The following ZDHHC19 variants were observed in gnomAD, a reference collection of about 807,000 sequenced individuals.
The protein encoded by ZDHHC19 is palmitoyltransferase ZDHHC19.
A neutral mutation model predicts 33.9 loss-of-function variants in ZDHHC19; 30 were observed. The observed-to-expected ratio is 0.88, with a 90% CI of 0.66 to 1.20. ZDHHC19 has a LOEUF of 1.20. Ranked by LOEUF, ZDHHC19 falls within the 50% of genes most tolerant of loss-of-function variation. The pLI, the probability that ZDHHC19 is intolerant of heterozygous loss-of-function variation, is 0.00. For missense variants in ZDHHC19, 364 were observed against 401.1 expected (o/e 0.91, Z 0.79); for synonymous variants, 178 against 167.6 (o/e 1.06, Z -0.48).
Position 196,203,298 on chromosome 3 carries a change from G to A in ZDHHC19, c.687+4100C>T, listed in dbSNP as rs561897752. Among the ~76,000 whole-genome samples, 1 of 152,006 alleles carries A rather than the reference G, an allele frequency of 6.6e-6. No individual in the cohort carries two copies. Among genetic ancestry groups the A allele is most frequent in the African/African-American group, 2.4e-5 (1 of 41,388 alleles). ...AAAGAAAGAGAGAGAGAAATTGAAC[G>A]GTATTAATAGTAGCGACATCTAGAG... On this transcript the variant is annotated intron_variant, in intron 5 of 7. Transcript: ENST00000296326. This position sits in a 1 kb window ranked among gnomAD's most constrained non-coding sequence, Gnocchi z 4.3.
In ZDHHC19 at chr3:196,207,507, C is replaced by A. The variant is rs372760698; in HGVS notation, c.582-4G>T. ...GGCGGACACGGCCACCACGATGCTG[C>A]GCGGGTTAAGGAACCGGGCTGCGGG... On this transcript the variant is annotated splice_region_variant and splice_polypyrimidine_tract_variant and intron_variant, in intron 4 of 7. Transcript: ENST00000296326. The A allele has an allele frequency of 4.8e-5, 74 of 1,552,598 alleles. No homozygotes were observed. In the African/African-American group the frequency reaches 9.2e-4, roughly 19 times the overall value.
intron 2 of ZDHHC19, 124 bp from the exon 3 acceptor site, chr3:196,209,639 C>T: frequency 7.7e-7 from 1 of 1,290,406 alleles, no homozygotes; most frequent in Non-Finnish European, 1.1e-6. Flanking sequence ...AACCCCTGTC[C>T]CCACTGAGCA....
rs1166112259 is a variant in ZDHHC19 at position 196,198,350 on chromosome 3, G to C, written c.875C>G (p.Pro292Arg). 2 of 1,520,094 alleles carry C rather than the reference G, an allele frequency of 1.3e-6. No individual in the cohort carries two copies. The highest frequency in any genetic ancestry group is 2.2e-5 in the Admixed American group (1 of 45,416). The allele number at this position is 1,520,094 out of a possible 1,614,324, so 94.2% of individuals were successfully genotyped here. The change falls in exon 7 of 8, where the codon CCA (proline) becomes CGA (arginine). Residue 292 changes from proline to arginine, a missense_variant. Transcript: ENST00000296326. ...TTGTAGGGACCCAGAGGTTGGGGCT[G>C]GGGGGTTGAGAGCAGAGGGGGACAT... Reference protein sequence around the residue: ...PPMSPSALNPPAPTSGSLQSR... With the variant: ...PPMSPSALNPRAPTSGSLQSR...
rs957402632 is a variant in ZDHHC19, at chr3:196,203,825, G to A, written c.687+3573C>T. The stretch of plus-strand genomic sequence containing the variant: ...AGGGCGGAGCTGGGGAGTCACAGGT[G>A]GGGGAGCCAAATATGGGTGTGGTGG... On this transcript the variant is annotated intron_variant, in intron 5 of 7. Coordinates refer to ENST00000296326, the MANE Select transcript of ZDHHC19 (RefSeq NM_001039617.2). The surrounding 1 kb of genome is among the most constrained non-coding windows in gnomAD (Gnocchi z 4.3). Among the ~76,000 whole-genome samples the A allele has an allele frequency of 3.3e-5, 5 of 152,174 alleles. No individual in the cohort carries two copies.
chr3:196,198,166 T>TATCATTAAAAAA, intron 7 of ZDHHC19, 110 bp downstream of exon 7: 2 of 1,123,278 alleles, frequency 1.8e-6, no homozygotes, highest in South Asian at 3.0e-5. Context: ...CTCGGAGCGC[T>TATCATTAAAAAA]CCAGCTTCAG....
chr3:196,205,742 G>A (rs6778521), intron 5 of ZDHHC19, among the ~76,000 whole-genome samples: 45,989 of 151,998 alleles, frequency 0.3, 7,936 homozygotes, highest in African/African-American at 0.47. Context: ...GCTCACTGCA[G>A]CTTCTGCCTC....
intron 7 of ZDHHC19, 49 bp downstream of exon 7, chr3:196,198,227 A>C (rs1466694267): frequency 2.1e-6 from 3 of 1,410,974 alleles, no homozygotes; most frequent in Non-Finnish European, 1.9e-6. Context: ...ACCTGCAGAC[A>C]CCCCCCTCCC....
At chr3:196,210,265 AAAG>A (rs770083827) in intron 2 of ZDHHC19, among the ~76,000 whole-genome samples, 1,058 of 76,656 alleles carry the variant, frequency 0.014, 31 homozygotes, top group African/African-American at 0.045. Flanking sequence ...GAAAGAAAGA[AAAG>A]AGAAAGAAAG....
chr3:196,207,399 T>C lies in ZDHHC19; in HGVS notation c.686A>G (p.Lys229Arg). ...CTGACCACCCGCGGCCCCGCGTACC[T>C]TGCCCTTGTAGGTGCGGTCGGCCGA... ...VSSADRTYKG[K>R]CRHLQGYNPF... The change falls in exon 5 of 8, where the codon AAG becomes AGG. Residue 229 changes from lysine to arginine, a missense_variant and splice_region_variant. By Grantham distance (26) the Lys-to-Arg change is conservative. Coordinates refer to ENST00000296326, the MANE Select transcript of ZDHHC19 (RefSeq NM_001039617.2). 2 of 1,557,732 alleles carry C rather than the reference T, an allele frequency of 1.3e-6. No homozygotes were observed. The highest frequency in any genetic ancestry group is 8.7e-7 in the Non-Finnish European group (1 of 1,151,696).
intron 5 of ZDHHC19, chr3:196,199,611 T>C (rs560143452): frequency 3.9e-5 from 6 of 154,814 alleles, no homozygotes; most frequent in African/African-American, 1.4e-4. Context: ...CTTGCACTAT[T>C]TGAGATTCTG....
chr3:196,210,265 AAAGAG>A (rs1723121304), intron 2 of ZDHHC19, among the ~76,000 whole-genome samples: 1 of 76,600 alleles, frequency 1.3e-5, no homozygotes. Context: ...GAAAGAAAGA[AAAGAG>A]AAAGAAAGAA....
intron 5 of ZDHHC19, among the ~76,000 whole-genome samples, chr3:196,200,653 CTTTTT>C (rs71621224): frequency 7.7e-6 from 1 of 129,808 alleles, no homozygotes; most frequent in Admixed American, 7.9e-5. Context: ...CACGCCTGGC[CTTTTT>C]TTTTTTTTTT....
Position 196,198,840 on chromosome 3 carries a change from T to C in ZDHHC19, c.722A>G (p.Gln241Arg), listed in dbSNP as rs1370830499. 7 of 1,613,978 alleles carry C rather than the reference T, an allele frequency of 4.3e-6. No homozygotes were observed. The highest frequency in any genetic ancestry group is 5.9e-6 in the Non-Finnish European group (7 of 1,179,990). Residue 241 changes from glutamine (Q) to arginine (R), a missense_variant, in exon 6 of 8, where the codon CAG becomes CGG. Gln to Arg is a conservative substitution (Grantham distance 43). Coordinates refer to ENST00000296326, the MANE Select transcript of ZDHHC19 (RefSeq NM_001039617.2). ...RHLQGYNPFD[Q>R]GCASNWYLTI... Reference sequence around the variant, plus strand: ...TAAATACCAGTTGCTGGCACAGCCCTGGTCGAAGGGGTTGTATCCCTGAAG... The same window carrying C: ...TAAATACCAGTTGCTGGCACAGCCCCGGTCGAAGGGGTTGTATCCCTGAAG...
At chr3:196,204,217 A>T (rs1003254198) in intron 5 of ZDHHC19, among the ~76,000 whole-genome samples, 1 of 152,250 alleles carries the variant, frequency 6.6e-6, no homozygotes, top group East Asian at 1.9e-4. Context: ...ACCAATTCAA[A>T]AAAATCCATT....
chr3:196,209,036 G>C, intron 3 of ZDHHC19: 1 of 320,804 alleles, frequency 3.1e-6, no homozygotes, highest in Non-Finnish European at 5.8e-6. Flanking sequence ...AGGCCTCCCA[G>C]ACCAGGCGGG....
At chr3:196,209,086 C>A in intron 3 of ZDHHC19, 1 of 392,156 alleles carries the variant, frequency 2.6e-6, no homozygotes. Context: ...TGTTAGCGAG[C>A]CCAGGGGTGG....
At chr3:196,209,035 A>C in intron 3 of ZDHHC19, 1 of 318,710 alleles carries the variant, frequency 3.1e-6, no homozygotes, top group Non-Finnish European at 5.8e-6. Context: ...AAGGCCTCCC[A>C]GACCAGGCGG....
Position 196,200,643 on chromosome 3 carries a change from C to T in ZDHHC19, c.688-1769G>A, listed in dbSNP as rs534305506. Among the ~76,000 whole-genome samples, 38 of 146,122 alleles carry T rather than the reference C, an allele frequency of 2.6e-4. No homozygotes were observed. In the East Asian group the frequency reaches 3.4e-3, roughly 13 times the overall value. On this transcript the variant is annotated intron_variant, in intron 5 of 7. Transcript: ENST00000296326. ...TGCTGGGATTACAAGCGTGAGCCACCACGCCTGGCCTTTTTTTTTTTTTTT... is the reference window on the plus strand; with the variant it reads ...TGCTGGGATTACAAGCGTGAGCCACTACGCCTGGCCTTTTTTTTTTTTTTT...
At chr3:196,201,133 C>T (rs1252036162) in intron 5 of ZDHHC19, among the ~76,000 whole-genome samples, 9 of 151,568 alleles carry the variant, frequency 5.9e-5, no homozygotes, top group Non-Finnish European at 8.8e-5. Context: ...AGTGCAGTGG[C>T]ACGATCTTGG....
Sources: allele counts gnomAD v4.1 joint callset (sites outside exome capture counted in the v4.1 genomes callset), GRCh38; gene constraint gnomAD v4.1.1; non-coding constraint Gnocchi (gnomAD v3.1); transcripts MANE v1.5; gene names NCBI Gene and HGNC (gene_info 2026-07-23, HGNC 2026-07-21).